SFTPD: variants seen among roughly 807,000 people sequenced by gnomAD.
SFTPD encodes the protein surfactant protein D.
SFTPD carries 18 observed loss-of-function variants against 34.6 expected under a neutral mutation model. That is an observed-to-expected ratio of 0.52 (90% CI 0.36 to 0.77). SFTPD has a LOEUF of 0.77. Ranked by LOEUF, SFTPD falls within the 30% of genes least tolerant of loss-of-function variation. SFTPD has a pLI of 0.00. For synonymous variants in SFTPD, 155 were observed against 180.9 expected (o/e 0.86, Z 1.15); for missense variants, 433 against 468.9 (o/e 0.92, Z 0.71).
intron 1 of SFTPD, among the ~76,000 whole-genome samples, chr10:79,979,389 G>A (rs4319455): frequency 0.63 from 95,657 of 152,076 alleles, 30,655 homozygotes; most frequent in African/African-American, 0.76. Context: ...TGGTTTTAAC[G>A]TCATATCAAG....
chr10:79,981,519 G>T (rs919558425), intron 1 of SFTPD, among the ~76,000 whole-genome samples: 2 of 152,166 alleles, frequency 1.3e-5, no homozygotes, highest in African/African-American at 4.8e-5. Context: ...TGGGCACCCC[G>T]ACCTTCGCGG....
intron 7 of SFTPD, among the ~76,000 whole-genome samples, chr10:79,938,500 C>G (rs41298237): frequency 6.6e-6 from 1 of 152,280 alleles, no homozygotes; most frequent in Non-Finnish European, 1.5e-5. Context: ...AGCAAACGTG[C>G]AGTTAGGAAT....
intron 1 of SFTPD, among the ~76,000 whole-genome samples, chr10:79,955,675 G>A (rs1052921776): frequency 6.6e-6 from 1 of 152,212 alleles, no homozygotes; most frequent in Non-Finnish European, 1.5e-5. Flanking sequence ...ACATGCATAT[G>A]CAGGTTCTAT....
At chr10:79,944,471 G>T (rs1842645793) in intron 2 of SFTPD, among the ~76,000 whole-genome samples, 1 of 152,116 alleles carries the variant, frequency 6.6e-6, no homozygotes, top group African/African-American at 2.4e-5. Context: ...TGAGCTGCAG[G>T]GACAGCTATG....
chr10:79,949,274 A>G (rs1246510448), upstream of SFTPD, among the ~76,000 whole-genome samples: 1 of 152,182 alleles, frequency 6.6e-6, no homozygotes. Flanking sequence ...AATACTATGC[A>G]CATCCATCAC....
At chr10:79,959,712 A>C (rs1409744872) in intron 1 of SFTPD, among the ~76,000 whole-genome samples, 2 of 152,266 alleles carry the variant, frequency 1.3e-5, no homozygotes, top group Non-Finnish European at 2.9e-5. Context: ...ATTCTACCAG[A>C]GGTACAAGGA....
At chr10:79,957,078 G>A (rs1842744513) in intron 1 of SFTPD, among the ~76,000 whole-genome samples, 1 of 151,832 alleles carries the variant, frequency 6.6e-6, no homozygotes, top group South Asian at 2.1e-4. Context: ...CAACAGACCT[G>A]CAGCTGAGGG....
At chr10:79,957,399 G>A (rs1245200913) in intron 1 of SFTPD, among the ~76,000 whole-genome samples, 2 of 152,086 alleles carry the variant, frequency 1.3e-5, no homozygotes, top group Non-Finnish European at 2.9e-5. Context: ...GTTTAAAACT[G>A]TGAAAAAAAT....
At chr10:79,981,962 G>C in intron 1 of SFTPD, 1 of 319,806 alleles carries the variant, frequency 3.1e-6, no homozygotes. Context: ...TCGTCTCCTT[G>C]TCTCCCGTGC....
Position 79,946,583 on chromosome 10 carries a change from T to A in SFTPD, c.77A>T (p.Tyr26Phe). Residue 26 changes from tyrosine to phenylalanine, a missense_variant, in exon 2 of 8, where the codon TAC (tyrosine) becomes TTC (phenylalanine). Tyr to Phe is a conservative substitution (Grantham distance 22). Transcript: ENST00000372292. ...AGCACTGGGCATTGTTCTGTGGGAGTAGGTCTTCATTTCTGCTTCCAGGTA... is the reference window on the plus strand; with the variant it reads ...AGCACTGGGCATTGTTCTGTGGGAGAAGGTCTTCATTTCTGCTTCCAGGTA... ...LGYLEAEMKT[Y>F]SHRTMPSACT... 6.2e-7 allele frequency: 1 copy of A among 1,613,978 alleles called. No individual in the cohort carries two copies. The highest frequency in any genetic ancestry group is 8.5e-7 in the Non-Finnish European group (1 of 1,179,954).
At chr10:79,982,266 G>A (rs1842895631) in intron 1 of SFTPD, 2 of 960,376 alleles carry the variant, frequency 2.1e-6, no homozygotes, top group Non-Finnish European at 2.7e-6. Flanking sequence ...GGCGGCGGGG[G>A]CGCTCGGGCC....
At chr10:79,976,102 T>C (rs929176357) in intron 1 of SFTPD, among the ~76,000 whole-genome samples, 2 of 152,240 alleles carry the variant, frequency 1.3e-5, no homozygotes, top group Non-Finnish European at 2.9e-5. Context: ...TGGTGGGCTA[T>C]ACCTTGTGAA....
intron 1 of SFTPD, among the ~76,000 whole-genome samples, chr10:79,947,763 G>C (rs1012488512): frequency 7.2e-5 from 11 of 152,184 alleles, no homozygotes; most frequent in Non-Finnish European, 8.8e-5. Flanking sequence ...CTAGTGTTGT[G>C]GGTAAGCAAG....
intron 1 of SFTPD, chr10:79,972,669 A>G (rs532303914): frequency 6.6e-6 from 1 of 152,306 alleles, no homozygotes; most frequent in East Asian, 1.9e-4. Flanking sequence ...ATTTCCCTGA[A>G]TCCTGAATAA....
intron 7 of SFTPD, among the ~76,000 whole-genome samples, chr10:79,939,426 T>G (rs1842589498): frequency 6.6e-6 from 1 of 152,252 alleles, no homozygotes; most frequent in Non-Finnish European, 1.5e-5. Context: ...TAAGTTTATG[T>G]GCCATGCACA....
At chr10:79,939,671 A>G (rs998114952) in intron 7 of SFTPD, among the ~76,000 whole-genome samples, 1 of 152,232 alleles carries the variant, frequency 6.6e-6, no homozygotes, top group African/African-American at 2.4e-5. Context: ...GAATTAGAGC[A>G]TATGCAGAAA....
intron 2 of SFTPD, among the ~76,000 whole-genome samples, chr10:79,944,165 C>A (rs1409304082): frequency 6.6e-6 from 1 of 152,216 alleles, no homozygotes; most frequent in East Asian, 1.9e-4. Context: ...ATTCCTCCAC[C>A]CCTTCCAGCT....
In SFTPD at chr10:79,949,090, G is replaced by C. The variant is rs1842692977; in HGVS notation, c.-28C>G. On this transcript the variant is annotated 5_prime_UTR_variant, in exon 1 of 8. Coordinates refer to ENST00000372292, the MANE Select transcript of SFTPD (RefSeq NM_003019.5). ...CAGGTTTCTTTTTGTTAGGCCCCAG[G>C]AGCTCCAAGCAAACTAGCCTTTGCT... 4 of 152,116 alleles carry C rather than the reference G, an allele frequency of 2.6e-5. No individual in the cohort carries two copies. Among genetic ancestry groups the C allele is most frequent in the Admixed American group, 2.0e-4 (3 of 15,254 alleles). The allele number at this position is 152,116 out of a possible 1,614,324, so 9.4% of individuals were successfully genotyped here. A position where few individuals can be genotyped will look rare whatever the true frequency, so the allele number is the denominator to read the frequency against.
intron 2 of SFTPD, among the ~76,000 whole-genome samples, chr10:79,944,376 G>A (rs1044659602): frequency 3.3e-5 from 5 of 152,176 alleles, no homozygotes; most frequent in African/African-American, 1.2e-4. Context: ...GTGTGTTGGG[G>A]GTAGGGTCTG....
Sources: allele counts gnomAD v4.1 joint callset (sites outside exome capture counted in the v4.1 genomes callset), GRCh38; gene constraint gnomAD v4.1.1; transcripts MANE v1.5; gene names NCBI Gene and HGNC (gene_info 2026-07-23, HGNC 2026-07-21).